RIC1: variants seen among roughly 807,000 people sequenced by gnomAD.
RIC1 encodes guanine nucleotide exchange factor subunit RIC1.
In RIC1, 88 loss-of-function variants were observed where a neutral mutation model predicts 169.0. That is an observed-to-expected ratio of 0.52 (90% confidence interval 0.44 to 0.62). RIC1 has a LOEUF of 0.62. RIC1 is among the 20% of genes least tolerant of loss of function. RIC1 has a pLI of 0.00. For missense variants in RIC1, 1,877 were observed against 1,725.5 expected (o/e 1.09, Z -1.56); for synonymous variants, 790 against 601.5 (o/e 1.31, Z -4.59).
chr9:5,766,331 C>G (rs544649981), intron 21 of RIC1, among the ~76,000 whole-genome samples: 1 of 152,270 alleles, frequency 6.6e-6, no homozygotes, highest in South Asian at 2.1e-4. Context: ...GTGAGCCACC[C>G]TACCTGGCCA....
At chr9:5,697,027 A>G (rs146368896) in intron 3 of RIC1, among the ~76,000 whole-genome samples, 3 of 152,304 alleles carry the variant, frequency 2.0e-5, no homozygotes, top group Non-Finnish European at 4.4e-5. Context: ...TCCCAGTCCT[A>G]TATGAACTGG....
intron 12 of RIC1, 27 bp from the exon 13 acceptor site, chr9:5,753,173 A>G: frequency 6.3e-7 from 1 of 1,587,774 alleles, no homozygotes. Context: ...CATAAGTTTT[A>G]CCAATCTGAT....
chr9:5,676,745 T>C (rs947010130), intron 2 of RIC1, among the ~76,000 whole-genome samples: 1 of 152,252 alleles, frequency 6.6e-6, no homozygotes, highest in Non-Finnish European at 1.5e-5. Flanking sequence ...ACTGATCTGC[T>C]TTTTGTCACT....
In RIC1 at chr9:5,759,185, T is replaced by TG. The variant is rs565263715; in HGVS notation, c.1992+1735dup. Among the ~76,000 whole-genome samples, 39 of 152,208 alleles carry TG rather than the reference T, an allele frequency of 2.6e-4. 1 individual carries two copies. In the South Asian group the frequency reaches 7.9e-3, roughly 31 times the overall value. On this transcript the variant is annotated intron_variant, in intron 17 of 25. Coordinates refer to ENST00000414202, the MANE Select transcript of RIC1 (RefSeq NM_020829.4). ...TTTACAGAAGTTTAGATAAAAGGTG[T>TG]GAAAAAAAGTGACAATTTAAAAATC...
At chr9:5,733,101 G>A (rs562912754) in intron 7 of RIC1, among the ~76,000 whole-genome samples, 1 of 151,886 alleles carries the variant, frequency 6.6e-6, no homozygotes, top group East Asian at 1.9e-4. Context: ...TATATTAGTT[G>A]TTATAATGCC....
chr9:5,763,954 G>C lies in RIC1; in HGVS notation c.2841+86G>C. 7.1e-7 allele frequency: 1 copy of C among 1,415,152 alleles called. No homozygotes were observed. Among genetic ancestry groups the C allele is most frequent in the Non-Finnish European group, 9.5e-7 (1 of 1,048,464 alleles). 87.7% of individuals were successfully genotyped at this position (1,415,152 alleles called of 1,614,324 possible). A position where few individuals can be genotyped will look rare whatever the true frequency, so the allele number is the denominator to read the frequency against. On this transcript the variant is annotated intron_variant, in intron 19 of 25. Coordinates refer to ENST00000414202, the MANE Select transcript of RIC1 (RefSeq NM_020829.4). The surrounding 1 kb of genome is among the most constrained non-coding windows in gnomAD (Gnocchi z 5.2). Reference sequence around the variant, plus strand: ...AATGTCCTGTTTTGACACCATGATTGTGTTTAAGGAATTCATAGTCAAATT... The same window carrying C: ...AATGTCCTGTTTTGACACCATGATTCTGTTTAAGGAATTCATAGTCAAATT...
chr9:5,698,255 C>G (rs187456501), intron 3 of RIC1, among the ~76,000 whole-genome samples: 85 of 152,282 alleles, frequency 5.6e-4, no homozygotes, highest in Non-Finnish European at 1.1e-3. Context: ...TAAAAGCAGT[C>G]TTCTTTTCTT....
chr9:5,671,913 A>C (rs564015607), intron 2 of RIC1, among the ~76,000 whole-genome samples: 1 of 152,288 alleles, frequency 6.6e-6, no homozygotes, highest in Non-Finnish European at 1.5e-5. Context: ...AAAAAGTGGA[A>C]TCCTGTGGTT....
At chr9:5,776,900 T>G (rs113006740), downstream of RIC1, among the ~76,000 whole-genome samples, 1 of 152,126 alleles carries the variant, frequency 6.6e-6, no homozygotes, top group East Asian at 1.9e-4. Context: ...TAAGCGGGAT[T>G]AAAAAGTACT....
intron 2 of RIC1, among the ~76,000 whole-genome samples, chr9:5,658,444 A>T (rs1027435388): frequency 6.6e-6 from 1 of 152,106 alleles, no homozygotes; most frequent in Non-Finnish European, 1.5e-5. Flanking sequence ...TTAGTTTTTG[A>T]TAAATTGACA....
At chr9:5,648,823 A>G (rs1421405416) in intron 1 of RIC1, among the ~76,000 whole-genome samples, 1 of 152,048 alleles carries the variant, frequency 6.6e-6, no homozygotes, top group East Asian at 1.9e-4. Flanking sequence ...AAAAATGTTT[A>G]TGTCTTTTGC....
At chr9:5,653,849 G>T (rs552754653) in intron 1 of RIC1, among the ~76,000 whole-genome samples, 3 of 152,208 alleles carry the variant, frequency 2.0e-5, no homozygotes, top group African/African-American at 7.2e-5. Flanking sequence ...GCCTGCCTCA[G>T]CCTCCCAAAG....
Position 5,695,571 on chromosome 9 carries a change from CT to C in RIC1, c.332+5552del, listed in dbSNP as rs539521445. On this transcript the variant is annotated intron_variant, in intron 3 of 25. Coordinates refer to ENST00000414202, the MANE Select transcript of RIC1 (RefSeq NM_020829.4). ...CTTTTCTCCTGGATTATTATTATATCTTTTTTTTTTTTTTTTTTTGAGACAG... is the reference window on the plus strand; with the variant it reads ...CTTTTCTCCTGGATTATTATTATATCTTTTTTTTTTTTTTTTTTGAGACAG... Among the ~76,000 whole-genome samples, 1,073 of 128,706 alleles carry C rather than the reference CT, an allele frequency of 8.3e-3. 2 individuals are homozygous for C. The highest frequency in any genetic ancestry group is 0.024 in the African/African-American group (862 of 35,434). The allele number at this position is 128,706 out of a possible 152,430, so 84.4% of individuals were successfully genotyped here.
intron 1 of RIC1, among the ~76,000 whole-genome samples, chr9:5,650,180 G>A (rs554883004): frequency 2.6e-5 from 4 of 152,234 alleles, no homozygotes; most frequent in African/African-American, 9.6e-5. Context: ...TTAGGTGCTG[G>A]TGGTTGCAGT....
At position 5,765,439 on chromosome 9, in the gene RIC1, G is replaced by C; in HGVS notation, c.2867G>C (p.Arg956Thr). 1.9e-6 allele frequency: 3 copies of C among 1,613,928 alleles called. No homozygotes were observed. Among genetic ancestry groups the C allele is most frequent in the Non-Finnish European group, 2.5e-6 (3 of 1,179,926 alleles). ...AATATGGAAGTCCCTGCAGTAAGTA[G>C]GCAACATGCTACCCTTCTATTCAAC... ...LQNMEVPAVS[R>T]QHATLLFNTA... The change falls in exon 20 of 26, where the codon AGG becomes ACG. Residue 956 changes from arginine to threonine, a missense_variant. By Grantham distance (71) the Arg-to-Thr change is moderately conservative (BLOSUM62 -1). Transcript: ENST00000414202.
At chr9:5,718,117 G>A (rs1294769670) in intron 4 of RIC1, among the ~76,000 whole-genome samples, 1 of 103,446 alleles carries the variant, frequency 9.7e-6, no homozygotes, top group Non-Finnish European at 1.7e-5. Context: ...TCCAGCTTGG[G>A]CAACAGAGCA....
intron 3 of RIC1, among the ~76,000 whole-genome samples, chr9:5,692,207 G>A (rs1326689750): frequency 6.6e-6 from 1 of 152,070 alleles, no homozygotes; most frequent in Admixed American, 6.5e-5. Context: ...AGGCTTTGGT[G>A]TCAGATAGAC....
intron 6 of RIC1, among the ~76,000 whole-genome samples, chr9:5,730,569 AAAG>A (rs1014468394): frequency 1.3e-5 from 2 of 152,036 alleles, no homozygotes; most frequent in African/African-American, 4.8e-5. Flanking sequence ...GATTTAAAAG[AAAG>A]AAGGAGGTGA....
At chr9:5,726,730 C>T (rs958928976) in intron 6 of RIC1, among the ~76,000 whole-genome samples, 1 of 152,178 alleles carries the variant, frequency 6.6e-6, no homozygotes, top group East Asian at 1.9e-4. Flanking sequence ...CCTTCAGGAG[C>T]TCTTGTAAGG....
Sources: allele counts gnomAD v4.1 joint callset (sites outside exome capture counted in the v4.1 genomes callset), GRCh38; gene constraint gnomAD v4.1.1; non-coding constraint Gnocchi (gnomAD v3.1); transcripts MANE v1.5; gene names NCBI Gene and HGNC (gene_info 2026-07-23, HGNC 2026-07-21).